Variants in DNAI3 observed in about 807,000 individuals in gnomAD.
DNAI3 encodes dynein axonemal intermediate chain 3.
DNAI3 carries 83 observed loss-of-function variants against 115.5 expected under a neutral mutation model. That is an observed-to-expected ratio of 0.72 (90% CI 0.60 to 0.86). The LOEUF (loss-of-function observed/expected upper bound fraction) is 0.86, where lower values mean the gene tolerates loss of function less well. Among genes scored for constraint, DNAI3 ranks in the 40% least tolerant of loss-of-function variants. The pLI is 0.00. For missense variants in DNAI3, 1,004 were observed against 1,075.8 expected (o/e 0.93, Z 0.93); for synonymous variants, 320 against 347.0 (o/e 0.92, Z 0.86).
chr1:85,129,235 C>CA (rs1656242338), intron 21 of DNAI3, among the ~76,000 whole-genome samples: 1 of 152,000 alleles, frequency 6.6e-6, no homozygotes, highest in East Asian at 1.9e-4. Context: ...TTCTGCACCC[C>CA]CCACACTGTA....
At chr1:85,118,088 C>G (rs921073466) in intron 17 of DNAI3, among the ~76,000 whole-genome samples, 1 of 152,104 alleles carries the variant, frequency 6.6e-6, no homozygotes, top group Admixed American at 6.6e-5. Context: ...TACTTTTTAA[C>G]TAATAATATA....
At chr1:85,078,305 A>G (rs1009962258) in intron 3 of DNAI3, among the ~76,000 whole-genome samples, 1 of 152,224 alleles carries the variant, frequency 6.6e-6, no homozygotes, top group Non-Finnish European at 1.5e-5. Context: ...GGAGACAAAT[A>G]TAGTAACCAC....
chr1:85,084,724 A>C (rs376534809), intron 6 of DNAI3, 29 bp downstream of exon 6: 1 of 1,416,262 alleles, frequency 7.1e-7, no homozygotes, highest in African/African-American at 1.5e-5. Flanking sequence ...ATCTGTAATC[A>C]TTACCTCCCT....
intron 16 of DNAI3, among the ~76,000 whole-genome samples, chr1:85,116,574 G>A (rs910123005): frequency 2.6e-5 from 4 of 152,170 alleles, no homozygotes; most frequent in African/African-American, 9.7e-5. Context: ...GAGAGGAACA[G>A]ACATTGAAAT....
intron 16 of DNAI3, among the ~76,000 whole-genome samples, chr1:85,112,851 C>T (rs1241821405): frequency 6.6e-6 from 1 of 152,220 alleles, no homozygotes; most frequent in Admixed American, 6.5e-5. Context: ...CACACTGCAA[C>T]CTCTGCCTCT....
At chr1:85,099,160 T>C in intron 13 of DNAI3, 3 of 788,088 alleles carry the variant, frequency 3.8e-6, no homozygotes, top group Non-Finnish European at 3.1e-6. Context: ...GTCTTTATGG[T>C]TGTACACTTA....
chr1:85,068,509 G>C (rs570624669), intron 1 of DNAI3, among the ~76,000 whole-genome samples: 1 of 152,062 alleles, frequency 6.6e-6, no homozygotes, highest in Non-Finnish European at 1.5e-5. Flanking sequence ...TAAATGTCTC[G>C]CAGCTGGATT....
intron 13 of DNAI3, among the ~76,000 whole-genome samples, chr1:85,103,384 G>C (rs567620765): frequency 6.6e-6 from 1 of 152,062 alleles, no homozygotes; most frequent in Admixed American, 6.5e-5. Flanking sequence ...ATTACAAAAA[G>C]GTCAGGTCTT....
At chr1:85,129,887 G>A (rs1396204553) in intron 21 of DNAI3, 103 bp from the exon 22 acceptor site, 1 of 1,345,218 alleles carries the variant, frequency 7.4e-7, no homozygotes, top group Non-Finnish European at 1.0e-6. Flanking sequence ...AGATTAGGTA[G>A]GTCGTCTACC....
At chr1:85,088,125 C>A (rs1455339129) in intron 7 of DNAI3, among the ~76,000 whole-genome samples, 3 of 101,944 alleles carry the variant, frequency 2.9e-5, no homozygotes, top group East Asian at 5.7e-4. Flanking sequence ...TATATTAGTA[C>A]CAAATGAACT....
intron 20 of DNAI3, among the ~76,000 whole-genome samples, chr1:85,127,020 C>T (rs189243750): frequency 6.6e-6 from 1 of 152,322 alleles, no homozygotes; most frequent in East Asian, 1.9e-4. Context: ...TGGTTTTGAA[C>T]TGCACGATGG....
intron 1 of DNAI3, among the ~76,000 whole-genome samples, chr1:85,066,579 C>T (rs1343304021): frequency 2.0e-5 from 3 of 152,004 alleles, no homozygotes; most frequent in African/African-American, 7.2e-5. Context: ...CTGCCCGCCT[C>T]GGCCTCCCAA....
At chr1:85,121,123 T>C (rs750699216) in intron 17 of DNAI3, among the ~76,000 whole-genome samples, 12 of 152,208 alleles carry the variant, frequency 7.9e-5, no homozygotes, top group Admixed American at 3.9e-4. Flanking sequence ...TTCTGTAAAC[T>C]TCTCCCACCT....
chr1:85,101,727 CAA>C (rs72166976), intron 13 of DNAI3, among the ~76,000 whole-genome samples: 4 of 14,438 alleles, frequency 2.8e-4, no homozygotes, highest in South Asian at 7.7e-3. Flanking sequence ...GACTCCATCT[CAA>C]AAAAAAAAAA....
intron 22 of DNAI3, among the ~76,000 whole-genome samples, chr1:85,131,607 G>C (rs1260849519): frequency 6.6e-6 from 1 of 152,178 alleles, no homozygotes; most frequent in Non-Finnish European, 1.5e-5. Flanking sequence ...GTAAAAGAAT[G>C]CCAATTAATT....
chr1:85,094,580 A>G (rs753153985), intron 10 of DNAI3, 25 bp downstream of exon 10: 2 of 1,609,446 alleles, frequency 1.2e-6, no homozygotes, highest in African/African-American at 2.7e-5. Context: ...TTGCCTACAT[A>G]GCCTAAATTT....
Position 85,121,755 on chromosome 1 carries a change from G to A in DNAI3, c.1922G>A (p.Gly641Asp). 1 of 1,614,102 alleles carries A rather than the reference G, an allele frequency of 6.2e-7. No individual in the cohort carries two copies. Among genetic ancestry groups the A allele is most frequent in the Non-Finnish European group, 8.5e-7 (1 of 1,179,978 alleles). The change falls in exon 18 of 23, where the codon GGC becomes GAC. Residue 641 changes from glycine (G) to aspartate (D), a missense_variant. Gly to Asp is a moderately conservative substitution (Grantham distance 94). Around this residue, in one of 3 missense-constraint regions of DNAI3, gnomAD observed 429 missense variants for 454.3 expected, o/e 0.94. Transcript: ENST00000294664. ...AGGAACCTGTAATATTTTTAGGAAG[G>A]CGAAGTGATATACACAGATTGGAAA... ...CTKFFVGTEEGEVIYTDWKME... is the reference protein window; with the variant it reads ...CTKFFVGTEEDEVIYTDWKME...
chr1:85,095,864 A>G (rs758622002), intron 10 of DNAI3, 67 bp from the exon 11 acceptor site: 17 of 1,450,318 alleles, frequency 1.2e-5, no homozygotes, highest in Admixed American at 1.7e-5. Flanking sequence ...CTGTCTTAAT[A>G]TTATTTTCTC....
At chr1:85,104,730 A>G (rs963583130) in intron 14 of DNAI3, 133 bp downstream of exon 14, 20 of 723,980 alleles carry the variant, frequency 2.8e-5, no homozygotes, top group Non-Finnish European at 4.0e-5. Flanking sequence ...AAATGAAAGA[A>G]TGTTATGGAT....
Sources: allele counts gnomAD v4.1 joint callset (sites outside exome capture counted in the v4.1 genomes callset), GRCh38; gene constraint gnomAD v4.1.1; regional missense constraint gnomAD v4.1.1; transcripts MANE v1.5; gene names NCBI Gene and HGNC (gene_info 2026-07-23, HGNC 2026-07-21).